The following CTNNA2 variants were observed in gnomAD, a reference collection of about 807,000 sequenced individuals.
CTNNA2 encodes the protein catenin alpha 2.
CTNNA2 carries 42 observed loss-of-function variants against 101.0 expected under a neutral mutation model. The observed-to-expected ratio is 0.42, with a 90% confidence interval of 0.32 to 0.54. CTNNA2 has a LOEUF of 0.54. Among genes scored for constraint, CTNNA2 ranks in the 20% least tolerant of loss-of-function variants. The pLI, the probability that CTNNA2 is intolerant of heterozygous loss-of-function variation, is 0.14. For synonymous variants in CTNNA2, 450 were observed against 456.4 expected (o/e 0.99, Z 0.18); for missense variants, 871 against 1,223.1 (o/e 0.71, Z 4.29).
At chr2:79,598,986 T>C (rs1677376623) in intron 1 of CTNNA2, among the ~76,000 whole-genome samples, 1 of 152,210 alleles carries the variant, frequency 6.6e-6, no homozygotes. Flanking sequence ...TATGAAGGTG[T>C]AAGGTCTATA....
chr2:79,708,528 T>A (rs1162722279), intron 2 of CTNNA2, among the ~76,000 whole-genome samples: 1 of 152,164 alleles, frequency 6.6e-6, no homozygotes, highest in Non-Finnish European at 1.5e-5. Flanking sequence ...AAATAAACAT[T>A]CAAAATGGTT....
chr2:80,259,978 C>T (rs918260248), intron 7 of CTNNA2, among the ~76,000 whole-genome samples: 1 of 152,174 alleles, frequency 6.6e-6, no homozygotes, highest in Non-Finnish European at 1.5e-5. Flanking sequence ...TAACTGCCAC[C>T]TCGTGAGCCC....
chr2:79,513,651 G>A (rs75615578), intron 1 of CTNNA2, among the ~76,000 whole-genome samples: 3,494 of 149,184 alleles, frequency 0.023, 111 homozygotes, highest in African/African-American at 0.08. Context: ...AAATTTTTAG[G>A]ATGAAGGGTC....
At chr2:80,065,146 C>A (rs372139897) in intron 7 of CTNNA2, among the ~76,000 whole-genome samples, 2 of 151,840 alleles carry the variant, frequency 1.3e-5, no homozygotes, top group Non-Finnish European at 2.9e-5. Flanking sequence ...ATTGAATAGA[C>A]CCATGGAAAA....
intron 2 of CTNNA2, among the ~76,000 whole-genome samples, chr2:79,690,314 A>G (rs1433001111): frequency 6.6e-6 from 1 of 152,046 alleles, no homozygotes; most frequent in Non-Finnish European, 1.5e-5. Context: ...AATAACTGAT[A>G]TTCTATTATT....
intron 1 of CTNNA2, among the ~76,000 whole-genome samples, chr2:79,556,748 C>T (rs1003028831): frequency 6.6e-6 from 1 of 152,006 alleles, no homozygotes; most frequent in Non-Finnish European, 1.5e-5. Context: ...ACTGCCTCCC[C>T]TAATTATTTA....
intron 7 of CTNNA2, among the ~76,000 whole-genome samples, chr2:80,227,374 G>A (rs567510360): frequency 1.8e-4 from 27 of 152,278 alleles, no homozygotes; most frequent in African/African-American, 6.3e-4. Context: ...TAAGGAGGGG[G>A]TGATATAATC....
At chr2:80,495,585 G>GAGGT (rs747167246) in intron 9 of CTNNA2, among the ~76,000 whole-genome samples, 16 of 152,144 alleles carry the variant, frequency 1.1e-4, no homozygotes, top group Non-Finnish European at 2.4e-4. Flanking sequence ...TAATTAAGAT[G>GAGGT]AGGTCATACT....
chr2:80,511,382 C>T (rs373998827), intron 9 of CTNNA2, among the ~76,000 whole-genome samples: 4 of 152,166 alleles, frequency 2.6e-5, no homozygotes, highest in Non-Finnish European at 4.4e-5. Context: ...GTGAGCAAGA[C>T]GTTGGGATTG....
At chr2:80,204,158 G>A (rs979341114) in intron 7 of CTNNA2, among the ~76,000 whole-genome samples, 13 of 152,122 alleles carry the variant, frequency 8.5e-5, no homozygotes, top group South Asian at 2.1e-4. Flanking sequence ...AGGGGCTGCC[G>A]CAAAGTTCTC....
At chr2:79,468,213 G>A (rs1573180219) in intron 4 of CTNNA2, among the ~76,000 whole-genome samples, 1 of 152,068 alleles carries the variant, frequency 6.6e-6, no homozygotes, top group Admixed American at 6.6e-5. Flanking sequence ...AATAAAAAAA[G>A]GCAGGGGTTG....
At chr2:79,824,180 G>A (rs1678236131) in intron 3 of CTNNA2, among the ~76,000 whole-genome samples, 1 of 152,134 alleles carries the variant, frequency 6.6e-6, no homozygotes, top group South Asian at 2.1e-4. Flanking sequence ...ATCTCCCCTG[G>A]AGTCCAGTTT....
intron 4 of CTNNA2, among the ~76,000 whole-genome samples, chr2:79,406,000 T>A (rs1678336963): frequency 2.0e-5 from 3 of 152,014 alleles, no homozygotes; most frequent in South Asian, 4.1e-4. Context: ...AGAGATGGTG[T>A]CATCTTTATA....
intron 2 of CTNNA2, among the ~76,000 whole-genome samples, chr2:79,681,236 C>A (rs1434450211): frequency 2.0e-5 from 3 of 152,174 alleles, no homozygotes; most frequent in African/African-American, 7.2e-5. Flanking sequence ...TTAGAGGGCA[C>A]TATTTTTCTC....
intron 1 of CTNNA2, chr2:79,633,964 A>G (rs925744976): frequency 6.6e-6 from 1 of 152,366 alleles, no homozygotes; most frequent in East Asian, 1.9e-4. Context: ...AATTTGATTT[A>G]TAAGAGTTGA....
At chr2:79,969,309 T>C (rs911440215) in intron 7 of CTNNA2, among the ~76,000 whole-genome samples, 6 of 152,258 alleles carry the variant, frequency 3.9e-5, no homozygotes, top group African/African-American at 1.4e-4. Flanking sequence ...CAACTATTTC[T>C]TGTGCCTCTT....
chr2:79,902,260 T>G (rs962044328), intron 6 of CTNNA2, among the ~76,000 whole-genome samples: 5 of 152,160 alleles, frequency 3.3e-5, no homozygotes, highest in Non-Finnish European at 7.3e-5. Flanking sequence ...GCTAAGAGCA[T>G]AGACGCCAGA....
intron 3 of CTNNA2, among the ~76,000 whole-genome samples, chr2:79,779,001 G>C (rs1358568971): frequency 6.6e-6 from 1 of 151,974 alleles, no homozygotes; most frequent in Admixed American, 6.5e-5. Flanking sequence ...CTAAGACATA[G>C]GGCCATTCCA....
chr2:80,528,485 C>T (rs1036933653), intron 9 of CTNNA2, among the ~76,000 whole-genome samples: 7 of 152,154 alleles, frequency 4.6e-5, no homozygotes, highest in South Asian at 2.1e-4. Flanking sequence ...CGTGAGCCAC[C>T]GTGCCCAGCC....
Sources: allele counts gnomAD v4.1 joint callset (sites outside exome capture counted in the v4.1 genomes callset), GRCh38; gene constraint gnomAD v4.1.1; transcripts MANE v1.5; gene names NCBI Gene and HGNC (gene_info 2026-07-23, HGNC 2026-07-21).